The following PCDHGA5 variants were observed in gnomAD, a reference collection of about 807,000 sequenced individuals.
PCDHGA5 encodes protocadherin gamma-A5.
In PCDHGA5, 36 loss-of-function variants were observed where a neutral mutation model predicts 56.7. The observed-to-expected ratio is 0.64, with a 90% CI of 0.49 to 0.84. The LOEUF is 0.84. Among genes scored for constraint, PCDHGA5 ranks in the 40% least tolerant of loss-of-function variants. The pLI is 0.00. For synonymous variants in PCDHGA5, 563 were observed against 520.2 expected (o/e 1.08, Z -1.12); for missense variants, 1,305 against 1,201.5 (o/e 1.09, Z -1.27).
At chr5:141,389,743 G>T in intron 1 of PCDHGA5, 8 of 1,612,624 alleles carry the variant, frequency 5.0e-6, no homozygotes, top group Non-Finnish European at 6.8e-6. Flanking sequence ...CTGGGGCTGC[G>T]CACGGGCGAA....
chr5:141,390,781 G>C (rs527538379), intron 1 of PCDHGA5: 97 of 165,826 alleles, frequency 5.8e-4, no homozygotes, highest in Non-Finnish European at 1.1e-3. Flanking sequence ...CTTCCCTTTT[G>C]TTTCAAAAGC....
rs554003983 is a variant in PCDHGA5, at chr5:141,415,548, A to T, written c.2421+48797A>T. 10 of 1,614,160 alleles carry T rather than the reference A, an allele frequency of 6.2e-6. No individual in the cohort carries two copies. The East Asian group carries it at 1.8e-4, about 29-fold the overall frequency. ...TCATCAGCCAGGAGAGCTGTGAGAA[A>T]AACGATCCTTTGTCTTTGTTAGATG... On this transcript the variant is annotated intron_variant, in intron 1 of 3. Coordinates refer to ENST00000518069, the MANE Select transcript of PCDHGA5 (RefSeq NM_018918.3).
intron 1 of PCDHGA5, chr5:141,384,882 C>T (rs951463054): frequency 6.2e-7 from 1 of 1,613,754 alleles, no homozygotes; most frequent in African/African-American, 1.3e-5. Context: ...TCACACTCAC[C>T]GTGGCTGTGG....
rs752730619 is a variant in PCDHGA5, at chr5:141,374,101, G to T, written c.2421+7350G>T. On this transcript the variant is annotated intron_variant, in intron 1 of 3. Coordinates refer to ENST00000518069, the MANE Select transcript of PCDHGA5 (RefSeq NM_018918.3). Reference sequence around the variant, plus strand: ...AGCCAGTAATGGCGCCTCCGCAGAGGCATCCGCAGCGCAGCGAGCAGGTCC... The same window carrying T: ...AGCCAGTAATGGCGCCTCCGCAGAGTCATCCGCAGCGCAGCGAGCAGGTCC... 2 of 1,565,390 alleles carry T rather than the reference G, an allele frequency of 1.3e-6. No individual in the cohort carries two copies. The highest frequency in any genetic ancestry group is 1.7e-6 in the Non-Finnish European group (2 of 1,154,124).
At position 141,460,338 on chromosome 5, in the gene PCDHGA5, T is replaced by C. The variant is rs1180912204; in HGVS notation, c.2422-34469T>C. Among the ~76,000 whole-genome samples, 4 of 152,222 alleles carry C rather than the reference T, an allele frequency of 2.6e-5. No homozygotes were observed. The East Asian group carries it at 7.7e-4, about 29-fold the overall frequency. On this transcript the variant is annotated intron_variant, in intron 1 of 3. Transcript: ENST00000518069. ...GCCTACTGAAAACTTATGATGATTT[T>C]CTCCTATATTTTCTTTTAGAAGTTT...
intron 1 of PCDHGA5, chr5:141,383,022 AG>A: frequency 6.2e-7 from 1 of 1,613,826 alleles, no homozygotes; most frequent in Non-Finnish European, 8.5e-7. Context: ...AGACGGACAA[AG>A]GGTCCTTTGT....
At chr5:141,430,327 T>C (rs1250968800) in intron 1 of PCDHGA5, among the ~76,000 whole-genome samples, 7 of 152,042 alleles carry the variant, frequency 4.6e-5, no homozygotes, top group Non-Finnish European at 1.5e-5. Context: ...AAAATCATTG[T>C]TTATAGAAAC....
intron 1 of PCDHGA5, among the ~76,000 whole-genome samples, chr5:141,397,265 A>G (rs2093498946): frequency 6.6e-6 from 1 of 152,210 alleles, no homozygotes; most frequent in Non-Finnish European, 1.5e-5. Context: ...TTTCTTAGCT[A>G]CATCATATGG....
At chr5:141,367,492 G>A (rs1260519213) in intron 1 of PCDHGA5, 2 of 152,030 alleles carry the variant, frequency 1.3e-5, no homozygotes, top group African/African-American at 2.4e-5. Context: ...AGCCGAGATC[G>A]CGCCACTGCA....
Position 141,365,395 on chromosome 5 carries a change from G to C in PCDHGA5, c.1065G>C (p.Ser355=), listed in dbSNP as rs753717509. The change falls in exon 1 of 4, where the codon TCG becomes TCC. Residue 355 remains serine, a synonymous_variant. Transcript: ENST00000518069. ...PEVILTSLTS[S]ISEDCLPGTV... ...TGATCCTCACCTCTCTGACCAGTTC[G>C]ATCTCTGAAGACTGTCTTCCCGGAA... is the stretch of plus-strand genomic sequence containing the variant. The C allele has an allele frequency of 3.7e-6, 6 of 1,613,978 alleles. No homozygotes were observed. Among genetic ancestry groups the C allele is most frequent in the Non-Finnish European group, 5.1e-6 (6 of 1,179,896 alleles).
At chr5:141,366,901 T>C in intron 1 of PCDHGA5, 150 bp downstream of exon 1, 1 of 1,189,700 alleles carries the variant, frequency 8.4e-7, no homozygotes, top group Non-Finnish European at 1.2e-6. Flanking sequence ...AATTCATGCT[T>C]TCTCCATTTG....
At chr5:141,384,956 A>G (rs1305792842) in intron 1 of PCDHGA5, 1 of 1,613,934 alleles carries the variant, frequency 6.2e-7, no homozygotes, top group African/African-American at 1.3e-5. Flanking sequence ...GGTCCTTACA[A>G]CTATGACCTC....
intron 1 of PCDHGA5, among the ~76,000 whole-genome samples, chr5:141,407,761 G>T (rs938743690): frequency 6.6e-6 from 1 of 152,132 alleles, no homozygotes; most frequent in Non-Finnish European, 1.5e-5. Context: ...GTATAAGTTT[G>T]AAATTGTGCA....
chr5:141,400,445 A>G (rs779145110), intron 1 of PCDHGA5: 1 of 1,614,084 alleles, frequency 6.2e-7, no homozygotes, highest in Non-Finnish European at 8.5e-7. Flanking sequence ...AGTTCAGGAC[A>G]AGACATACTT....
At chr5:141,414,358 C>T (rs1414747968) in intron 1 of PCDHGA5, 1 of 1,613,818 alleles carries the variant, frequency 6.2e-7, no homozygotes, top group Non-Finnish European at 8.5e-7. Context: ...GGCGTATCTA[C>T]CATTTAAATT....
intron 1 of PCDHGA5, chr5:141,388,466 G>A (rs1426666369): frequency 6.2e-7 from 1 of 1,613,812 alleles, no homozygotes. Flanking sequence ...ACCCTGAGAT[G>A]GTATTGAAGA....
chr5:141,432,138 A>C lies in PCDHGA5; in HGVS notation c.2422-62669A>C, dbSNP rs2097456794. On this transcript the variant is annotated intron_variant, in intron 1 of 3. Coordinates refer to ENST00000518069, the MANE Select transcript of PCDHGA5 (RefSeq NM_018918.3). The surrounding 1 kb of genome is among the most constrained non-coding windows in gnomAD (Gnocchi z 6.0). ...TTCCCTCAGGCCTCCTATTCCGCTT[A>C]TATCCCAGAGAACAATCCCAGAGGA... 1 of 1,613,954 alleles carries C rather than the reference A, an allele frequency of 6.2e-7. No individual in the cohort carries two copies. Among genetic ancestry groups the C allele is most frequent in the African/African-American group, 1.3e-5 (1 of 74,882 alleles).
At chr5:141,399,435 A>G (rs568070353) in intron 1 of PCDHGA5, 20 of 1,613,972 alleles carry the variant, frequency 1.2e-5, no homozygotes, top group African/African-American at 9.3e-5. Context: ...GCGTCATCCT[A>G]CATATCAGAG....
At position 141,424,020 on chromosome 5, in the gene PCDHGA5, C is replaced by A. The variant is rs1326303938; in HGVS notation, c.2421+57269C>A. ...TATATAGATACAAATTAATGATTCA[C>A]AAACACTTTTTATTTCCATTTCAAT... On this transcript the variant is annotated intron_variant, in intron 1 of 3. Coordinates refer to ENST00000518069, the MANE Select transcript of PCDHGA5 (RefSeq NM_018918.3). 3 of 1,050,122 alleles carry A rather than the reference C, an allele frequency of 2.9e-6. No individual in the cohort carries two copies. In the East Asian group the frequency reaches 2.2e-4, roughly 77 times the overall value. The allele number at this position is 1,050,122 out of a possible 1,614,324, so 65.1% of individuals were successfully genotyped here. A position where few individuals can be genotyped will look rare whatever the true frequency, so the allele number is the denominator to read the frequency against.
Sources: gnomAD v4.1 joint callset for allele counts (sites outside exome capture counted in the v4.1 genomes callset) on GRCh38, gnomAD v4.1.1 for gene constraint, Gnocchi (gnomAD v3.1) non-coding constraint, MANE v1.5 for transcripts, NCBI Gene and HGNC (gene_info 2026-07-23, HGNC 2026-07-21) for gene names.